ZBTB20: variants seen among roughly 807,000 people sequenced by gnomAD.
ZBTB20 encodes the protein zinc finger and BTB domain-containing protein 20.
A neutral mutation model predicts 56.9 loss-of-function variants in ZBTB20; 9 were observed. The observed-to-expected ratio is 0.16, with a 90% CI of 0.10 to 0.28. ZBTB20 has a LOEUF of 0.28. Among genes scored for constraint, ZBTB20 ranks in the 10% least tolerant of loss-of-function variants. The probability of loss-of-function intolerance (pLI) is 1.00; values close to 1 mark genes in which losing one functional copy is unlikely to be tolerated. For synonymous variants in ZBTB20, 417 were observed against 420.7 expected (o/e 0.99, Z 0.11); for missense variants, 655 against 1,003.0 (o/e 0.65, Z 4.69).
chr3:114,559,583 A>C (rs1188779800), intron 6 of ZBTB20, among the ~76,000 whole-genome samples: 1 of 152,130 alleles, frequency 6.6e-6, no homozygotes, highest in Non-Finnish European at 1.5e-5. Context: ...TCATATTATC[A>C]ATGGAAGCCA....
chr3:115,137,868 C>T (rs1367406962), intron 1 of ZBTB20, among the ~76,000 whole-genome samples: 2 of 151,996 alleles, frequency 1.3e-5, no homozygotes, highest in East Asian at 3.9e-4. Flanking sequence ...AATGGCTTAC[C>T]ACACAGATTG....
intron 4 of ZBTB20, among the ~76,000 whole-genome samples, chr3:114,869,704 C>G (rs1050368396): frequency 6.6e-6 from 1 of 152,172 alleles, no homozygotes; most frequent in Non-Finnish European, 1.5e-5. Flanking sequence ...TCACAATAAA[C>G]TATATGTGTG....
chr3:114,625,834 A>C (rs2058630342), intron 6 of ZBTB20, among the ~76,000 whole-genome samples: 1 of 152,170 alleles, frequency 6.6e-6, no homozygotes, highest in African/African-American at 2.4e-5. Flanking sequence ...TAGATAGAAA[A>C]ACAAGGTTCA....
chr3:114,698,119 C>T (rs1000650332), intron 5 of ZBTB20, among the ~76,000 whole-genome samples: 1 of 152,004 alleles, frequency 6.6e-6, no homozygotes, highest in Non-Finnish European at 1.5e-5. Context: ...TACTGGCTTA[C>T]CCAATCAAAA....
intron 2 of ZBTB20, among the ~76,000 whole-genome samples, chr3:115,042,316 C>T (rs937845001): frequency 6.6e-6 from 1 of 152,166 alleles, no homozygotes; most frequent in Admixed American, 6.5e-5. Context: ...ACATTATTTT[C>T]ACTTTTTTAT....
intron 6 of ZBTB20, among the ~76,000 whole-genome samples, chr3:114,661,688 T>C (rs1425426720): frequency 1.3e-5 from 2 of 152,082 alleles, no homozygotes; most frequent in Non-Finnish European, 1.5e-5. Context: ...TCTGCCTGGC[T>C]TCCAAAACCA....
rs182593366 is a variant in ZBTB20 at position 114,587,286 on chromosome 3, C to G, written c.-294-86895G>C. 3.9e-4 allele frequency among the ~76,000 whole-genome samples: 59 copies of G among 152,166 alleles called. No homozygotes were observed. The South Asian group carries it at 0.012, about 31-fold the overall frequency. On this transcript the variant is annotated intron_variant, in intron 6 of 11. Coordinates refer to ENST00000675478, the MANE Select transcript of ZBTB20 (RefSeq NM_001348800.3). ...TGCTGGGATTACAGGTGTGAGCCAC[C>G]GTGCCTGGCCCAATTCTAGGTATAA...
chr3:114,556,625 T>A (rs1351223820), intron 6 of ZBTB20, among the ~76,000 whole-genome samples: 1 of 152,074 alleles, frequency 6.6e-6, no homozygotes, highest in East Asian at 1.9e-4. Flanking sequence ...ATGGCCCCTA[T>A]GAAATCATTA....
At chr3:114,896,085 T>A (rs1000850698) in intron 4 of ZBTB20, among the ~76,000 whole-genome samples, 10 of 152,176 alleles carry the variant, frequency 6.6e-5, no homozygotes, top group African/African-American at 2.4e-4. Context: ...AAGCAGTAGA[T>A]GTGTTCTTGC....
intron 6 of ZBTB20, among the ~76,000 whole-genome samples, chr3:114,513,919 CAAAA>C (rs77125827): frequency 8.8e-6 from 1 of 113,688 alleles, no homozygotes. Flanking sequence ...GACAGGGAGA[CAAAA>C]AAAAAAAAGA....
intron 4 of ZBTB20, among the ~76,000 whole-genome samples, chr3:114,842,593 C>A (rs1470562822): frequency 1.3e-5 from 2 of 151,980 alleles, no homozygotes; most frequent in Admixed American, 1.3e-4. Context: ...CCAGGAGACA[C>A]CAAGGGCATA....
intron 6 of ZBTB20, among the ~76,000 whole-genome samples, chr3:114,692,355 GAC>G (rs2062751204): frequency 2.0e-5 from 3 of 152,188 alleles, no homozygotes; most frequent in African/African-American, 2.4e-5. Flanking sequence ...TGCTCAGAGA[GAC>G]AGAGATAGAT....
At chr3:114,613,787 GT>G (rs1429538107) in intron 6 of ZBTB20, among the ~76,000 whole-genome samples, 2 of 152,154 alleles carry the variant, frequency 1.3e-5, no homozygotes, top group East Asian at 3.9e-4. Flanking sequence ...GTGCATGTAG[GT>G]TTTTTTCCTA....
At chr3:114,512,096 A>C (rs1459086946) in intron 6 of ZBTB20, among the ~76,000 whole-genome samples, 1 of 152,072 alleles carries the variant, frequency 6.6e-6, no homozygotes, top group Non-Finnish European at 1.5e-5. Flanking sequence ...TATGTCCCTT[A>C]CTATTTCTCT....
chr3:115,052,088 C>G (rs1394638101), intron 2 of ZBTB20, among the ~76,000 whole-genome samples: 1 of 152,080 alleles, frequency 6.6e-6, no homozygotes, highest in Non-Finnish European at 1.5e-5. Flanking sequence ...GGTGGGGACA[C>G]AGAGCCCAAC....
At chr3:114,939,368 G>A (rs1038965479) in intron 3 of ZBTB20, among the ~76,000 whole-genome samples, 1 of 145,946 alleles carries the variant, frequency 6.9e-6, no homozygotes, top group East Asian at 1.9e-4. Flanking sequence ...AAAATGCTGT[G>A]GCTATTACAA....
At chr3:114,464,021 A>G (rs1163127487) in intron 7 of ZBTB20, among the ~76,000 whole-genome samples, 1 of 152,212 alleles carries the variant, frequency 6.6e-6, no homozygotes, top group Non-Finnish European at 1.5e-5. Context: ...ATACAATTCT[A>G]CCTTTTCTGC....
At chr3:115,041,642 T>A (rs146954413) in intron 2 of ZBTB20, among the ~76,000 whole-genome samples, 1 of 152,322 alleles carries the variant, frequency 6.6e-6, no homozygotes, top group East Asian at 1.9e-4. Flanking sequence ...TACCAAGGAA[T>A]TTACATTGGA....
chr3:114,459,000 C>T (rs548425927), intron 7 of ZBTB20, among the ~76,000 whole-genome samples: 3 of 152,080 alleles, frequency 2.0e-5, no homozygotes, highest in African/African-American at 7.2e-5. Context: ...TTTTAGTGTA[C>T]ATTTGTATGA....
Sources: gnomAD v4.1 joint callset for allele counts (sites outside exome capture counted in the v4.1 genomes callset) on GRCh38, gnomAD v4.1.1 for gene constraint, MANE v1.5 for transcripts, NCBI Gene and HGNC (gene_info 2026-07-23, HGNC 2026-07-21) for gene names.